RUBCNL: variants seen among roughly 807,000 people sequenced by gnomAD.
The protein encoded by RUBCNL is protein associated with UVRAG as autophagy enhancer.
RUBCNL carries 62 observed loss-of-function variants against 69.5 expected under a neutral mutation model. That is an observed-to-expected ratio of 0.89 (90% CI 0.73 to 1.10). RUBCNL has a LOEUF of 1.10. Ranked by LOEUF, RUBCNL falls within the 50% of genes least tolerant of loss-of-function variation. The pLI is 0.00. For synonymous variants in RUBCNL, 291 were observed against 303.6 expected (o/e 0.96, Z 0.43); for missense variants, 768 against 798.1 (o/e 0.96, Z 0.45).
At chr13:46,355,642 C>T (rs2048468668) in intron 10 of RUBCNL, among the ~76,000 whole-genome samples, 1 of 152,138 alleles carries the variant, frequency 6.6e-6, no homozygotes, top group African/African-American at 2.4e-5. Context: ...CAGGAATGAT[C>T]CTCTCAGGCT....
intron 12 of RUBCNL, 113 bp downstream of exon 12, chr13:46,349,173 G>A: frequency 2.4e-6 from 2 of 839,048 alleles, no homozygotes; most frequent in African/African-American, 3.4e-5. Context: ...AAAGCCATGA[G>A]GTCATCACTG....
At chr13:46,373,947 T>G (rs1373987757) in intron 2 of RUBCNL, among the ~76,000 whole-genome samples, 1 of 152,248 alleles carries the variant, frequency 6.6e-6, no homozygotes. Flanking sequence ...CTCTTCCAAT[T>G]GCCCAAGCCT....
Position 46,341,439 on chromosome 13 carries a change from A to G in RUBCNL, c.*1946T>C, listed in dbSNP as rs1018105670. Reference sequence around the variant, plus strand: ...AGAAGCCTCTATTATCACATTGGAGAGGAACAAAGTCTCAGACAAATCCCA... The same window carrying G: ...AGAAGCCTCTATTATCACATTGGAGGGGAACAAAGTCTCAGACAAATCCCA... On this transcript the variant is annotated 3_prime_UTR_variant, in exon 15 of 15. Transcript: ENST00000429979. Among the ~76,000 whole-genome samples, 4 of 152,216 alleles carry G rather than the reference A, an allele frequency of 2.6e-5. No homozygotes were observed. Among genetic ancestry groups the G allele is most frequent in the Admixed American group, 2.6e-4 (4 of 15,286 alleles).
At chr13:46,350,087 G>A (rs1327125659) in intron 11 of RUBCNL, 26 bp downstream of exon 11, 2 of 1,497,910 alleles carry the variant, frequency 1.3e-6, no homozygotes, top group South Asian at 1.2e-5. Flanking sequence ...TCCAATGAGA[G>A]GGATGGGGTT....
chr13:46,386,774 C>A (rs922547668), intron 1 of RUBCNL, among the ~76,000 whole-genome samples: 1 of 152,290 alleles, frequency 6.6e-6, no homozygotes, highest in Admixed American at 6.5e-5. Context: ...CAGAACACTG[C>A]GCCTGGGAGG....
chr13:46,349,964 G>A (rs928498497), intron 11 of RUBCNL, 149 bp downstream of exon 11: 15 of 648,758 alleles, frequency 2.3e-5, no homozygotes, highest in African/African-American at 1.6e-4. Context: ...GATTACAGGT[G>A]TGAGCCCCTG....
rs1003204546 is a variant in RUBCNL, at chr13:46,340,188, A to G, written c.*3197T>C. 8.5e-5 allele frequency among the ~76,000 whole-genome samples: 13 copies of G among 152,080 alleles called. No homozygotes were observed. Among genetic ancestry groups the G allele is most frequent in the African/African-American group, 3.1e-4 (13 of 41,390 alleles). On this transcript the variant is annotated 3_prime_UTR_variant, in exon 15 of 15. Transcript: ENST00000429979. ...ATGCACTATGTCCTCATCCTAACTT[A>G]ACCACCTCTGCAAAGACCCTACTTC... is the stretch of plus-strand genomic sequence containing the variant.
intron 14 of RUBCNL, 62 bp from the exon 15 acceptor site, chr13:46,343,559 A>T: frequency 6.5e-7 from 1 of 1,539,762 alleles, no homozygotes; most frequent in Non-Finnish European, 8.9e-7. Context: ...ATTTCTGCAG[A>T]CATTCGTCTC....
At chr13:46,369,839 T>C (rs1400729943) in intron 3 of RUBCNL, among the ~76,000 whole-genome samples, 1 of 152,154 alleles carries the variant, frequency 6.6e-6, no homozygotes, top group Non-Finnish European at 1.5e-5. Flanking sequence ...GCAAGCAGAG[T>C]CATTCAAATC....
intron 10 of RUBCNL, chr13:46,354,920 C>G (rs1163537069): frequency 4.5e-6 from 2 of 444,288 alleles, no homozygotes; most frequent in Non-Finnish European, 4.6e-6. Flanking sequence ...CAGTTTCTGA[C>G]TCATGCATTC....
At chr13:46,364,462 C>T (rs1368157085) in intron 5 of RUBCNL, among the ~76,000 whole-genome samples, 1 of 152,110 alleles carries the variant, frequency 6.6e-6, no homozygotes, top group East Asian at 1.9e-4. Flanking sequence ...AGAACCCATT[C>T]TAGCTGGGTG....
At chr13:46,356,532 G>T (rs1398626733) in intron 9 of RUBCNL, 36 bp from the exon 10 acceptor site, 2 of 1,569,290 alleles carry the variant, frequency 1.3e-6, no homozygotes, top group Non-Finnish European at 1.8e-6. Context: ...ACATTTCAGA[G>T]AAGGCCAATG....
At chr13:46,385,765 T>A (rs539207812) in intron 1 of RUBCNL, among the ~76,000 whole-genome samples, 1 of 151,866 alleles carries the variant, frequency 6.6e-6, no homozygotes, top group African/African-American at 2.4e-5. Flanking sequence ...CAGCCAACAA[T>A]GTTTTTGTTG....
chr13:46,372,444 G>A lies in RUBCNL; in HGVS notation c.32C>T (p.Ser11Phe), dbSNP rs1455061388. 3.1e-6 allele frequency: 5 copies of A among 1,610,080 alleles called. No individual in the cohort carries two copies. In the African/African-American group the frequency reaches 5.3e-5, roughly 17 times the overall value. MVSQSTVRQD[S>F]PVEPWEGISD... ...GATCCCTTCCCAGGGCTCCACAGGA[G>A]AATCCTGCCTGACTGTAGATTGTGA... The change falls in exon 3 of 15, where the codon TCT becomes TTT. Residue 11 changes from serine to phenylalanine, a missense_variant. By Grantham distance (155) the Ser-to-Phe change is radical. Coordinates refer to ENST00000429979, the MANE Select transcript of RUBCNL (RefSeq NM_025113.5).
intron 13 of RUBCNL, 26 bp downstream of exon 13, chr13:46,345,421 C>T (rs543448139): frequency 1.2e-5 from 18 of 1,550,092 alleles, no homozygotes; most frequent in African/African-American, 4.1e-5. Flanking sequence ...GCATCGGGAA[C>T]GAATCTGCTC....
At chr13:46,383,076 A>C (rs959531153) in intron 1 of RUBCNL, among the ~76,000 whole-genome samples, 6 of 152,242 alleles carry the variant, frequency 3.9e-5, no homozygotes, top group Admixed American at 1.3e-4. Context: ...ACATGGATGA[A>C]GCACAACTGG....
At chr13:46,345,673 T>C in intron 12 of RUBCNL, 73 bp from the exon 13 acceptor site, 1 of 1,474,318 alleles carries the variant, frequency 6.8e-7, no homozygotes. Flanking sequence ...GGGCCAGTTG[T>C]TTTCTCTTGG....
At chr13:46,354,634 G>A (rs1236080937) in intron 10 of RUBCNL, 1 of 384,342 alleles carries the variant, frequency 2.6e-6, no homozygotes, top group African/African-American at 2.1e-5. Flanking sequence ...CTACTTCTGT[G>A]GGCAATCACT....
At chr13:46,368,850 A>G in intron 3 of RUBCNL, 35 bp from the exon 4 acceptor site, 2 of 1,510,474 alleles carry the variant, frequency 1.3e-6, no homozygotes, top group Non-Finnish European at 1.8e-6. Flanking sequence ...AATGGGGAAA[A>G]GGGAGTTTAA....
Sources: allele counts gnomAD v4.1 joint callset (sites outside exome capture counted in the v4.1 genomes callset), GRCh38; gene constraint gnomAD v4.1.1; transcripts MANE v1.5; gene names NCBI Gene and HGNC (gene_info 2026-07-23, HGNC 2026-07-21).